Variants in RNF212B observed in about 807,000 individuals in gnomAD.
The protein encoded by RNF212B is E3 ubiquitin-protein ligase RNF212B.
In RNF212B, 52 loss-of-function variants were observed where a neutral mutation model predicts 55.5. The ratio of observed to expected loss-of-function variants is 0.94; its 90% confidence interval spans 0.75 to 1.18. The LOEUF is 1.18. Ranked by LOEUF, RNF212B falls within the 50% of genes most tolerant of loss-of-function variation. RNF212B has a pLI of 0.00. For missense variants in RNF212B, 289 were observed against 350.4 expected, an observed-to-expected ratio of 0.82 and a Z score of 1.40; for synonymous variants, 99 against 121.4, an observed-to-expected ratio of 0.82 and a Z score of 1.21.
intron 2 of RNF212B, among the ~76,000 whole-genome samples, chr14:23,211,074 T>C (rs1356557285): frequency 6.6e-6 from 1 of 151,838 alleles, no homozygotes; most frequent in East Asian, 1.9e-4. Flanking sequence ...AAAAATTAGC[T>C]GGTCGTGATG....
At chr14:23,227,387 G>A (rs996028860) in intron 2 of RNF212B, among the ~76,000 whole-genome samples, 1 of 152,100 alleles carries the variant, frequency 6.6e-6, no homozygotes, top group Non-Finnish European at 1.5e-5. Flanking sequence ...GGGAGATGGT[G>A]TATGGAAGCG....
intron 2 of RNF212B, among the ~76,000 whole-genome samples, chr14:23,222,107 A>G (rs1881623927): frequency 6.6e-6 from 1 of 152,112 alleles, no homozygotes. Context: ...ACCAAACCCA[A>G]AATTAGGAGA....
At chr14:23,213,115 A>G (rs1182753272) in intron 2 of RNF212B, among the ~76,000 whole-genome samples, 1 of 152,052 alleles carries the variant, frequency 6.6e-6, no homozygotes, top group African/African-American at 2.4e-5. Flanking sequence ...GATCGAGACC[A>G]TCCTGGCTAA....
intron 2 of RNF212B, among the ~76,000 whole-genome samples, chr14:23,213,426 T>G (rs2064754): frequency 0.086 from 13,039 of 152,222 alleles, 1,447 homozygotes; most frequent in African/African-American, 0.26. Context: ...AGAAGTCAAT[T>G]TTTCCCAATT....
chr14:23,264,769 GT>G (rs59984693), intron 11 of RNF212B, 98 bp downstream of exon 11: 165,391 of 517,606 alleles, frequency 0.32, 27,328 homozygotes, highest in African/African-American at 0.56. Flanking sequence ...CATTTCACTT[GT>G]TTTTTTTTCC....
rs1334269155 is a variant in RNF212B at position 23,273,179 on chromosome 14, C to T, written c.*288C>T. On this transcript the variant is annotated 3_prime_UTR_variant, in exon 15 of 15. Transcript: ENST00000430154. ...TGGAACAAAGGTCAAAAAAATAATT[C>T]TTGGCATCATGCTTGGTTGGGAGTT... is the stretch of plus-strand genomic sequence containing the variant. The T allele has an allele frequency of 4.0e-6, 1 of 250,558 alleles. No individual in the cohort carries two copies. Among genetic ancestry groups the T allele is most frequent in the Non-Finnish European group, 7.7e-6 (1 of 130,282 alleles). 15.5% of individuals were successfully genotyped at this position (250,558 alleles called of 1,614,324 possible).
intron 4 of RNF212B, among the ~76,000 whole-genome samples, chr14:23,250,136 C>T (rs1252535339): frequency 6.6e-6 from 1 of 152,130 alleles, no homozygotes; most frequent in East Asian, 1.9e-4. Flanking sequence ...CTTTTACAGA[C>T]CATATACTTT....
intron 1 of RNF212B, among the ~76,000 whole-genome samples, chr14:23,191,227 C>A (rs1328706431): frequency 6.6e-6 from 1 of 151,808 alleles, no homozygotes; most frequent in Non-Finnish European, 1.5e-5. Flanking sequence ...GGTGGCGGTG[C>A]ACACCTGTAG....
In RNF212B at chr14:23,187,461, G is replaced by A. The variant is rs184902950; in HGVS notation, c.-79+1971G>A. ...ACTCCTGGGCTCAAGTGATCCTCCCGCCTCAGCCTCCCGAGTAGCTGGGAC... is the reference window on the plus strand; with the variant it reads ...ACTCCTGGGCTCAAGTGATCCTCCCACCTCAGCCTCCCGAGTAGCTGGGAC... On this transcript the variant is annotated intron_variant, in intron 1 of 15. Coordinates refer to the RNF212B transcript ENST00000399910. Among the ~76,000 whole-genome samples the A allele has an allele frequency of 3.4e-4, 52 of 152,134 alleles. No homozygotes were observed. The East Asian group carries it at 8.1e-3, about 24-fold the overall frequency.
chr14:23,261,008 G>A (rs1307401529), intron 7 of RNF212B, among the ~76,000 whole-genome samples: 2 of 152,156 alleles, frequency 1.3e-5, no homozygotes, highest in Non-Finnish European at 2.9e-5. Flanking sequence ...CGGCAGTTTT[G>A]CCACGAGAGT....
intron 2 of RNF212B, among the ~76,000 whole-genome samples, chr14:23,205,287 T>C (rs1879724097): frequency 6.7e-6 from 1 of 148,482 alleles, no homozygotes; most frequent in Admixed American, 6.7e-5. Flanking sequence ...GACAAAAATT[T>C]TTCTCTTTTT....
intron 13 of RNF212B, among the ~76,000 whole-genome samples, chr14:23,270,355 C>T (rs982868143): frequency 1.3e-5 from 2 of 152,208 alleles, no homozygotes; most frequent in African/African-American, 2.4e-5. Context: ...TGCCATCTTC[C>T]ATAGCTCACC....
At chr14:23,194,128 C>A (rs1326174890) in intron 2 of RNF212B, among the ~76,000 whole-genome samples, 1 of 152,168 alleles carries the variant, frequency 6.6e-6, no homozygotes. Context: ...AGGCATGAGC[C>A]ACCATTCCTG....
chr14:23,193,322 C>G (rs1418409279), intron 1 of RNF212B: 1 of 152,056 alleles, frequency 6.6e-6, no homozygotes, highest in Non-Finnish European at 1.5e-5. Flanking sequence ...TGTTCTTTTT[C>G]AGAAAGCTGT....
intron 2 of RNF212B, among the ~76,000 whole-genome samples, chr14:23,240,681 G>A (rs984075278): frequency 1.3e-5 from 2 of 152,142 alleles, no homozygotes; most frequent in South Asian, 2.1e-4. Context: ...GAATGTACTC[G>A]TTAGTGTTTT....
chr14:23,266,089 G>C (rs961140301), intron 11 of RNF212B, among the ~76,000 whole-genome samples: 1 of 151,900 alleles, frequency 6.6e-6, no homozygotes, highest in African/African-American at 2.4e-5. Context: ...CTCCCAAGTA[G>C]CTGGGACTAC....
intron 2 of RNF212B, among the ~76,000 whole-genome samples, chr14:23,221,536 G>T (rs1881582270): frequency 6.6e-6 from 1 of 152,144 alleles, no homozygotes; most frequent in African/African-American, 2.4e-5. Context: ...CTCCAATACG[G>T]TAATAGCTGG....
At chr14:23,241,705 T>A (rs1883581522) in intron 2 of RNF212B, among the ~76,000 whole-genome samples, 1 of 151,912 alleles carries the variant, frequency 6.6e-6, no homozygotes, top group Non-Finnish European at 1.5e-5. Flanking sequence ...ATTACAGGTG[T>A]AAGCCATTTT....
Position 23,221,060 on chromosome 14 carries a change from G to GA in RNF212B, c.-1-19278dup, listed in dbSNP as rs201140593. 8.6e-3 allele frequency among the ~76,000 whole-genome samples: 1,312 copies of GA among 151,830 alleles called. 25 individuals carry two copies. The highest frequency in any genetic ancestry group is 0.03 in the African/African-American group (1,242 of 41,444). ...TCCAATCAAAAGTGGCTGAATGGAT[G>GA]AAAAAAAGACACAATGATCTGTCAC... On this transcript the variant is annotated intron_variant, in intron 2 of 15. Coordinates refer to the RNF212B transcript ENST00000399910.
Sources: allele counts gnomAD v4.1 joint callset (sites outside exome capture counted in the v4.1 genomes callset), GRCh38; gene constraint gnomAD v4.1.1; transcripts MANE v1.5; gene names NCBI Gene and HGNC (gene_info 2026-07-23, HGNC 2026-07-21).